The following CCNB1 variants were observed in gnomAD, a reference collection of about 807,000 sequenced individuals.
The protein encoded by CCNB1 is G2/mitotic-specific cyclin-B1.
Under a neutral mutation model 44.4 loss-of-function variants are expected in CCNB1, and 26 were observed. That is an observed-to-expected ratio of 0.59 (90% confidence interval 0.43 to 0.81). CCNB1 has a LOEUF of 0.81. Among genes scored for constraint, CCNB1 ranks in the 40% least tolerant of loss-of-function variants. CCNB1 has a pLI of 0.00. For missense variants in CCNB1, 477 were observed against 520.9 expected (o/e 0.92, Z 0.82); for synonymous variants, 195 against 181.4 (o/e 1.08, Z -0.60).
rs375679998 is a variant in CCNB1 at position 69,175,098 on chromosome 5, A to T, written c.927A>T (p.Ala309=). ...TACCTTTGCACTTCCTTCGGAGAGCATCTAAGATTGGAGAGGTACAGGTTT... is the reference window on the plus strand; with the variant it reads ...TACCTTTGCACTTCCTTCGGAGAGCTTCTAAGATTGGAGAGGTACAGGTTT... ...RPLPLHFLRR[A]SKIGEVDVEQ... Residue 309 remains alanine (A), a synonymous_variant, in exon 6 of 9, where the codon GCA becomes GCT. Coordinates refer to ENST00000256442, the MANE Select transcript of CCNB1 (RefSeq NM_031966.4). The T allele has an allele frequency of 6.2e-6, 10 of 1,612,718 alleles. No individual in the cohort carries two copies. The highest frequency in any genetic ancestry group is 8.5e-6 in the Non-Finnish European group (10 of 1,178,928).
chr5:69,174,208 A>G (rs777694726), intron 4 of CCNB1, 43 bp from the exon 5 acceptor site: 2 of 1,592,036 alleles, frequency 1.3e-6, no homozygotes, highest in Non-Finnish European at 1.7e-6. Context: ...AATGTGTCAC[A>G]TGGAGTCATG....
chr5:69,168,382 T>C, intron 3 of CCNB1, 39 bp downstream of exon 3: 1 of 1,609,976 alleles, frequency 6.2e-7, no homozygotes, highest in East Asian at 2.2e-5. Flanking sequence ...TGTTGATTAT[T>C]TCTTGTCCCT....
chr5:69,170,940 T>G (rs1747445054), intron 3 of CCNB1, among the ~76,000 whole-genome samples: 1 of 152,084 alleles, frequency 6.6e-6, no homozygotes, highest in Admixed American at 6.6e-5. Context: ...ATTGAGGAAT[T>G]AAATGATCAC....
chr5:69,168,160 G>GT lies in CCNB1; in HGVS notation c.193-10dup, dbSNP rs757825094. 2.5e-6 allele frequency: 4 copies of GT among 1,613,252 alleles called. No homozygotes were observed. Among genetic ancestry groups the GT allele is most frequent in the Non-Finnish European group, 3.4e-6 (4 of 1,179,540 alleles). On this transcript the variant is annotated splice_polypyrimidine_tract_variant and intron_variant, in intron 2 of 8. Coordinates refer to ENST00000256442, the MANE Select transcript of CCNB1 (RefSeq NM_031966.4). ...GATGCAGAAACATTTCATTCTCTCT[G>GT]TTTCATCTACAGGAAGCAAAACCTT...
intron 5 of CCNB1, 56 bp from the exon 6 acceptor site, chr5:69,174,821 A>G: frequency 7.4e-7 from 1 of 1,348,958 alleles, no homozygotes; most frequent in Non-Finnish European, 1.1e-6. Flanking sequence ...CCTTCATCAT[A>G]GCTCTGTGTC....
chr5:69,172,229 C>T (rs1747479842), intron 4 of CCNB1, among the ~76,000 whole-genome samples: 2 of 151,956 alleles, frequency 1.3e-5, no homozygotes, highest in Non-Finnish European at 2.9e-5. Context: ...AGGCACACAC[C>T]ACCATGCCTG....
intron 7 of CCNB1, among the ~76,000 whole-genome samples, chr5:69,176,125 C>A (rs1036249771): frequency 2.6e-5 from 4 of 151,240 alleles, no homozygotes; most frequent in Non-Finnish European, 5.9e-5. Context: ...TGGGCTCAAG[C>A]GATCCACCCA....
intron 6 of CCNB1, 123 bp from the exon 7 acceptor site, chr5:69,175,274 C>T (rs761685710): frequency 1.9e-5 from 20 of 1,051,988 alleles, no homozygotes; most frequent in Non-Finnish European, 2.8e-5. Flanking sequence ...AATATTAGGA[C>T]TTTCCATGGG....
chr5:69,170,653 G>GT lies in CCNB1; in HGVS notation c.364-606dup, dbSNP rs768453179. 5.6e-3 allele frequency among the ~76,000 whole-genome samples: 819 copies of GT among 145,164 alleles called. 4 individuals are homozygous for GT. Among genetic ancestry groups the GT allele is most frequent in the African/African-American group, 0.017 (680 of 39,898 alleles). Reference sequence around the variant, plus strand: ...ACTCACTCTAAGTTGGCATTTCACTGTTTTTTTTTTTGCCCAGGCTGGAGT... The same window carrying GT: ...ACTCACTCTAAGTTGGCATTTCACTGTTTTTTTTTTTTGCCCAGGCTGGAGT... On this transcript the variant is annotated intron_variant, in intron 3 of 8. Coordinates refer to ENST00000256442, the MANE Select transcript of CCNB1 (RefSeq NM_031966.4).
intron 1 of CCNB1, chr5:69,167,574 C>G: frequency 1.9e-6 from 1 of 518,520 alleles, no homozygotes; most frequent in East Asian, 3.4e-5. Flanking sequence ...GATAGAGGGT[C>G]CCTGAGTGGG....
intron 6 of CCNB1, 43 bp downstream of exon 6, chr5:69,175,156 G>C (rs1410674033): frequency 1.4e-6 from 2 of 1,388,580 alleles, no homozygotes; most frequent in Non-Finnish European, 2.0e-6. Flanking sequence ...GTACATTAGG[G>C]GGAACACTGC....
chr5:69,167,556 G>C (rs1047227604), intron 1 of CCNB1: 31 of 532,222 alleles, frequency 5.8e-5, no homozygotes, highest in Non-Finnish European at 1.0e-4. Flanking sequence ...GGAACCTTTT[G>C]AAAAAGTGAT....
intron 7 of CCNB1, among the ~76,000 whole-genome samples, chr5:69,175,982 A>AATATATATATATATATATATATAT (rs68140968): frequency 1.9e-4 from 22 of 116,396 alleles, no homozygotes; most frequent in African/African-American, 3.4e-4. Flanking sequence ...AAATATATAA[A>AATATATATATATATATATATATAT]ATATATATAT....
Position 69,177,840 on chromosome 5 carries a change from C to T in CCNB1, c.*209C>T, listed in dbSNP as rs893007508. 2 of 481,132 alleles carry T rather than the reference C, an allele frequency of 4.2e-6. No homozygotes were observed. Among genetic ancestry groups the T allele is most frequent in the African/African-American group, 2.0e-5 (1 of 51,018 alleles). The allele number at this position is 481,132 out of a possible 1,614,324, so 29.8% of individuals were successfully genotyped here. Reference sequence around the variant, plus strand: ...ATGGTGGGGATATTTTTAAAAACTCCTTTTGGTTTACCTGGGGATCCAATT... The same window carrying T: ...ATGGTGGGGATATTTTTAAAAACTCTTTTTGGTTTACCTGGGGATCCAATT... On this transcript the variant is annotated 3_prime_UTR_variant, in exon 9 of 9. Coordinates refer to ENST00000256442, the MANE Select transcript of CCNB1 (RefSeq NM_031966.4).
At position 69,175,542 on chromosome 5, in the gene CCNB1, GCT is replaced by G; in HGVS notation, c.1083+6_1083+7del. The G allele has an allele frequency of 1.2e-6, 2 of 1,613,332 alleles. No homozygotes were observed. Among genetic ancestry groups the G allele is most frequent in the Non-Finnish European group, 1.7e-6 (2 of 1,179,796 alleles). ...ATTCTGGATAATGGTGAATGGGTAAGCTGTGTCCCACAGAACTCCTAAGCTTT... is the reference window on the plus strand; with the variant it reads ...ATTCTGGATAATGGTGAATGGGTAAGGTGTCCCACAGAACTCCTAAGCTTT... On this transcript the variant is annotated splice_donor_region_variant and intron_variant, in intron 7 of 8. Transcript: ENST00000256442.
chr5:69,174,788 TG>T, intron 5 of CCNB1, 88 bp from the exon 6 acceptor site: 1 of 988,894 alleles, frequency 1.0e-6, no homozygotes, highest in Non-Finnish European at 1.6e-6. Flanking sequence ...GATTTTGCTA[TG>T]GGAGAATGTC....
At chr5:69,177,452 G>T in intron 8 of CCNB1, 72 bp from the exon 9 acceptor site, 2 of 1,245,366 alleles carry the variant, frequency 1.6e-6, no homozygotes, top group South Asian at 1.2e-5. Flanking sequence ...TGTTTTAAAT[G>T]AATACCTGTA....
At position 69,171,254 on chromosome 5, in the gene CCNB1, ATC is replaced by A; in HGVS notation, c.364-12_364-11del. ...TTACTTCTATTTGCTATTTCAAGAT[ATC>A]TCTTTGTTTCAAGGTTGATACTGCC... On this transcript the variant is annotated splice_polypyrimidine_tract_variant and intron_variant, in intron 3 of 8. Coordinates refer to ENST00000256442, the MANE Select transcript of CCNB1 (RefSeq NM_031966.4). 6.3e-7 allele frequency: 1 copy of A among 1,592,134 alleles called. No individual in the cohort carries two copies. Among genetic ancestry groups the A allele is most frequent in the Non-Finnish European group, 8.5e-7 (1 of 1,169,746 alleles).
At chr5:69,177,217 T>A in intron 7 of CCNB1, 22 bp from the exon 8 acceptor site, 2 of 1,336,828 alleles carry the variant, frequency 1.5e-6, no homozygotes, top group Non-Finnish European at 2.1e-6. Flanking sequence ...TGAGCATTTT[T>A]AACATTAACT....
Sources: gnomAD v4.1 joint callset for allele counts (sites outside exome capture counted in the v4.1 genomes callset) on GRCh38, gnomAD v4.1.1 for gene constraint, MANE v1.5 for transcripts, NCBI Gene and HGNC (gene_info 2026-07-23, HGNC 2026-07-21) for gene names.